NYAP2: variants seen among roughly 807,000 people sequenced by gnomAD.
NYAP2 encodes neuronal tyrosine-phosphorylated phosphoinositide-3-kinase adaptor 2.
NYAP2 carries 23 observed loss-of-function variants against 50.4 expected under a neutral mutation model. The observed-to-expected ratio is 0.46, with a 90% CI of 0.33 to 0.65. NYAP2 has a LOEUF of 0.65. Ranked by LOEUF, NYAP2 falls within the 30% of genes least tolerant of loss-of-function variation. The probability of loss-of-function intolerance (pLI) is 0.02; values close to 1 mark genes in which losing one functional copy is unlikely to be tolerated. For synonymous variants in NYAP2, 394 were observed against 365.2 expected (o/e 1.08, Z -0.90); for missense variants, 885 against 861.0 (o/e 1.03, Z -0.35).
the NYAP2 span, among the ~76,000 whole-genome samples, chr2:225,683,018 C>A: frequency 6.6e-6 from 1 of 152,088 alleles, no homozygotes; most frequent in Non-Finnish European, 1.5e-5. Flanking sequence ...TTTCCCCCCC[C>A]CATTCTGTTC....
chr2:225,473,922 C>T (rs1038955652), intron 3 of NYAP2, among the ~76,000 whole-genome samples: 4 of 152,140 alleles, frequency 2.6e-5, no homozygotes, highest in African/African-American at 9.7e-5. Context: ...AGGTTTTCTT[C>T]TAGGGTTTTT....
intron 6 of NYAP2, among the ~76,000 whole-genome samples, chr2:225,632,055 T>G (rs1053068715): frequency 1.3e-5 from 2 of 152,146 alleles, no homozygotes; most frequent in African/African-American, 4.8e-5. Flanking sequence ...TGACCTCAGG[T>G]GATCCACCTG....
intron 4 of NYAP2, among the ~76,000 whole-genome samples, chr2:225,536,507 T>A (rs796244310): frequency 7.2e-6 from 1 of 139,496 alleles, no homozygotes; most frequent in East Asian, 2.1e-4. Context: ...CTATATTCTT[T>A]TTATTGCTGT....
downstream of NYAP2, among the ~76,000 whole-genome samples, chr2:225,654,231 G>GTTCTTTGT (rs1693787716): frequency 2.0e-5 from 3 of 152,008 alleles, no homozygotes; most frequent in African/African-American, 7.2e-5. Flanking sequence ...CAAGGATAGG[G>GTTCTTTGT]AACACCTAGC....
chr2:225,425,019 T>C (rs951230549), intron 3 of NYAP2, among the ~76,000 whole-genome samples: 9 of 152,198 alleles, frequency 5.9e-5, no homozygotes, highest in Admixed American at 5.9e-4. Context: ...ACATTGGTTT[T>C]CTAGAAGCCA....
At chr2:225,559,243 T>C (rs1205390912) in intron 4 of NYAP2, among the ~76,000 whole-genome samples, 1 of 152,018 alleles carries the variant, frequency 6.6e-6, no homozygotes, top group African/African-American at 2.4e-5. Flanking sequence ...CCTGACTTTC[T>C]GAAATATGAG....
At chr2:225,604,498 T>C (rs1212691518) in intron 5 of NYAP2, among the ~76,000 whole-genome samples, 3 of 152,168 alleles carry the variant, frequency 2.0e-5, no homozygotes, top group Non-Finnish European at 4.4e-5. Flanking sequence ...CATAGTATTA[T>C]GAAGAAGCAC....
intron 6 of NYAP2, among the ~76,000 whole-genome samples, chr2:225,633,883 A>G (rs2106261733): frequency 6.6e-6 from 1 of 152,326 alleles, no homozygotes; most frequent in South Asian, 2.1e-4. Flanking sequence ...AGACCCGAAG[A>G]CCACACACTT....
rs1261508889 is a variant in NYAP2 at position 225,648,157 on chromosome 2, C to T, written c.1829-3275C>T. Among the ~76,000 whole-genome samples the T allele has an allele frequency of 5.3e-5, 8 of 152,174 alleles. No individual in the cohort carries two copies. The South Asian group carries it at 6.2e-4, about 12-fold the overall frequency. ...CTGGGATTACAGGCATCCGCCACCA[C>T]GCCCAGCAAATTTTTGTATTTTTAG... On this transcript the variant is annotated intron_variant, in intron 6 of 6. Transcript: ENST00000636099.
Position 225,582,016 on chromosome 2 carries a change from A to G in NYAP2, c.599A>G (p.Asn200Ser). The change falls in exon 5 of 7, where the codon AAC (asparagine) becomes AGC (serine). Residue 200 changes from asparagine (N) to serine (S), a missense_variant. By Grantham distance (46) the Asn-to-Ser change is conservative (BLOSUM62 1). Coordinates refer to ENST00000636099, the Ensembl canonical transcript of NYAP2. This position sits in a 1 kb window ranked among gnomAD's most constrained non-coding sequence, Gnocchi z 7.0. ...CCTCCCAAACCGAAGCGAAATCCGA[A>G]CACTCAGCTGAGCACATCTTTCGAT... The G allele has an allele frequency of 2.5e-6, 4 of 1,613,862 alleles. No homozygotes were observed. In the South Asian group the frequency reaches 4.4e-5, roughly 18 times the overall value.
intron 3 of NYAP2, among the ~76,000 whole-genome samples, chr2:225,481,830 T>C (rs1690211521): frequency 6.6e-6 from 1 of 152,150 alleles, no homozygotes; most frequent in Non-Finnish European, 1.5e-5. Context: ...ATTCCTAGTT[T>C]GGTCCAACAT....
chr2:225,423,663 G>C (rs1400153497), intron 3 of NYAP2, among the ~76,000 whole-genome samples: 2 of 152,100 alleles, frequency 1.3e-5, no homozygotes, highest in African/African-American at 4.8e-5. Flanking sequence ...CTTTAATAAT[G>C]CATGCATGTT....
the NYAP2 span, among the ~76,000 whole-genome samples, chr2:225,673,190 T>C: frequency 2.0e-5 from 3 of 152,000 alleles, no homozygotes; most frequent in African/African-American, 4.8e-5. Flanking sequence ...GAGGCTTACT[T>C]ACTATCATGA....
At chr2:225,504,618 A>G (rs545590486) in intron 3 of NYAP2, among the ~76,000 whole-genome samples, 13 of 152,338 alleles carry the variant, frequency 8.5e-5, no homozygotes, top group Admixed American at 7.2e-4. Context: ...TAGCTAGTAA[A>G]TAAGTTGGTT....
chr2:225,521,384 C>T (rs1183610778), intron 4 of NYAP2, among the ~76,000 whole-genome samples: 1 of 150,318 alleles, frequency 6.7e-6, no homozygotes, highest in African/African-American at 2.4e-5. Context: ...AGTTTTTGCC[C>T]ATTCAGTATG....
chr2:225,475,956 T>C (rs1039671501), intron 3 of NYAP2, among the ~76,000 whole-genome samples: 13 of 152,162 alleles, frequency 8.5e-5, no homozygotes, highest in Admixed American at 2.6e-4. Context: ...CTGCAGAGAT[T>C]AGATGATTTT....
intron 2 of NYAP2, among the ~76,000 whole-genome samples, chr2:225,404,272 C>G (rs530432091): frequency 1.1e-4 from 16 of 151,954 alleles, no homozygotes; most frequent in Non-Finnish European, 2.1e-4. Flanking sequence ...GTCTTAGCTT[C>G]TTGACTTCTC....
chr2:225,551,631 T>G (rs1691678412), intron 4 of NYAP2, among the ~76,000 whole-genome samples: 1 of 152,162 alleles, frequency 6.6e-6, no homozygotes, highest in Non-Finnish European at 1.5e-5. Flanking sequence ...GTTCTTTTTT[T>G]AAGAAGAGAT....
At chr2:225,700,589 G>A in the NYAP2 span, 1 of 151,786 alleles carries the variant, frequency 6.6e-6, no homozygotes, top group Non-Finnish European at 1.5e-5. Context: ...AATAAAATGT[G>A]TTTATGACCC....
Sources: allele counts gnomAD v4.1 joint callset (sites outside exome capture counted in the v4.1 genomes callset), GRCh38; gene constraint gnomAD v4.1.1; non-coding constraint Gnocchi (gnomAD v3.1); transcripts MANE v1.5; gene names NCBI Gene and HGNC (gene_info 2026-07-23, HGNC 2026-07-21).